Variants in COL22A1 observed in about 807,000 individuals in gnomAD.
The protein encoded by COL22A1 is collagen alpha-1(XXII) chain.
COL22A1 carries 221 observed loss-of-function variants against 248.9 expected under a neutral mutation model. The observed-to-expected ratio is 0.89, with a 90% CI of 0.80 to 0.99. COL22A1 has a LOEUF of 0.99. COL22A1 is among the 50% of genes least tolerant of loss of function. COL22A1 has a pLI of 0.00. For missense variants in COL22A1, 2,240 were observed against 2,179.0 expected (o/e 1.03, Z -0.56); for synonymous variants, 891 against 793.4 (o/e 1.12, Z -2.07).
At chr8:138,885,270 C>T (rs1295983856) in intron 1 of COL22A1, among the ~76,000 whole-genome samples, 1 of 152,202 alleles carries the variant, frequency 6.6e-6, no homozygotes, top group African/African-American at 2.4e-5. Flanking sequence ...TCAATCAGTT[C>T]TTCCAACTCC....
chr8:138,688,560 T>G (rs1217690299), intron 37 of COL22A1, among the ~76,000 whole-genome samples: 1 of 151,182 alleles, frequency 6.6e-6, no homozygotes, highest in Non-Finnish European at 1.5e-5. Flanking sequence ...AAGGTTTACG[T>G]GTGTGAGCAT....
chr8:138,821,096 G>A (rs1819078716), intron 7 of COL22A1, 40 bp downstream of exon 7: 1 of 1,600,792 alleles, frequency 6.2e-7, no homozygotes, highest in Non-Finnish European at 8.5e-7. Flanking sequence ...TCTCCCCGGT[G>A]GCCTGGAACC....
chr8:138,741,340 A>C (rs2131279658), intron 22 of COL22A1, among the ~76,000 whole-genome samples: 1 of 152,354 alleles, frequency 6.6e-6, no homozygotes, highest in Admixed American at 6.5e-5. Flanking sequence ...TGGGGTACAA[A>C]GCTCCAAGTG....
At position 138,594,121 on chromosome 8, in the gene COL22A1, G is replaced by T. The variant is rs770253828; in HGVS notation, c.4511C>A (p.Pro1504His). The T allele has an allele frequency of 1.3e-6, 2 of 1,577,302 alleles. No homozygotes were observed. Among genetic ancestry groups the T allele is most frequent in the Admixed American group, 2.1e-5 (1 of 48,678 alleles). ...SSQGRPGPPG[P>H]PGKDGLPGRA... ...GCCTGGAAGCCCATCTTTTCCAGGG[G>T]GCCCTGGGGGCCCAGGTCTGCCTTG... The change falls in exon 63 of 65, where the codon CCC becomes CAC. Residue 1504 changes from proline (P) to histidine (H), a missense_variant. Pro to His is a moderately conservative substitution (Grantham distance 77, BLOSUM62 -2). Coordinates refer to ENST00000303045, the MANE Select transcript of COL22A1 (RefSeq NM_152888.3).
intron 47 of COL22A1, among the ~76,000 whole-genome samples, chr8:138,639,044 T>G (rs1209619396): frequency 1.3e-5 from 2 of 152,212 alleles, no homozygotes; most frequent in African/African-American, 4.8e-5. Flanking sequence ...CCAGGAACTC[T>G]GCCAAGGCTT....
intron 4 of COL22A1, among the ~76,000 whole-genome samples, chr8:138,840,600 ATTATT>A (rs1820811057): frequency 6.6e-6 from 1 of 151,762 alleles, no homozygotes; most frequent in African/African-American, 2.4e-5. Flanking sequence ...TATTATTATT[ATTATT>A]AAGAAAAGGT....
chr8:138,856,185 G>T (rs1056334255), intron 3 of COL22A1, among the ~76,000 whole-genome samples: 2 of 152,208 alleles, frequency 1.3e-5, no homozygotes, highest in Non-Finnish European at 2.9e-5. Flanking sequence ...CTCTCACCCC[G>T]AGGCTCCCCT....
intron 23 of COL22A1, among the ~76,000 whole-genome samples, chr8:138,729,579 T>G (rs1425315959): frequency 6.6e-6 from 1 of 152,216 alleles, no homozygotes; most frequent in African/African-American, 2.4e-5. Context: ...AGCAACTGTC[T>G]GAAAGTCTGG....
chr8:138,659,304 CCCG>C (rs1823580237), intron 44 of COL22A1, among the ~76,000 whole-genome samples: 1 of 152,114 alleles, frequency 6.6e-6, no homozygotes, highest in Non-Finnish European at 1.5e-5. Flanking sequence ...CTCTGCTGTG[CCCG>C]CCAACTGAGA....
chr8:138,844,199 T>C, intron 3 of COL22A1, 41 bp from the exon 4 acceptor site: 2 of 1,581,118 alleles, frequency 1.3e-6, no homozygotes, highest in African/African-American at 1.3e-5. Context: ...TGAGAAAATG[T>C]GACCCATCGT....
chr8:138,883,314 C>CT, intron 1 of COL22A1, 70 bp from the exon 2 acceptor site: 1 of 837,496 alleles, frequency 1.2e-6, no homozygotes, highest in Non-Finnish European at 1.8e-6. Context: ...ACTCTGGGCC[C>CT]TGCCCAGGGG....
In COL22A1 at chr8:138,717,240, C is replaced by T. The variant is rs536778140; in HGVS notation, c.2356-371G>A. Among the ~76,000 whole-genome samples, 14 of 152,160 alleles carry T rather than the reference C, an allele frequency of 9.2e-5. No homozygotes were observed. In the South Asian group the frequency reaches 2.1e-3, roughly 23 times the overall value. On this transcript the variant is annotated intron_variant, in intron 27 of 64. Transcript: ENST00000303045. ...TCGGCTCACTGCAAGCTCTGCCTCC[C>T]GGGTTCACACCATTCTCCCACCTCA...
intron 47 of COL22A1, among the ~76,000 whole-genome samples, chr8:138,645,342 G>T (rs922793656): frequency 6.6e-6 from 1 of 152,090 alleles, no homozygotes; most frequent in Non-Finnish European, 1.5e-5. Context: ...CCTAATGCTG[G>T]TCTTTGCTAT....
chr8:138,884,418 C>T (rs1041169192), intron 1 of COL22A1, among the ~76,000 whole-genome samples: 5 of 152,206 alleles, frequency 3.3e-5, no homozygotes, highest in African/African-American at 9.7e-5. Context: ...TCAAGGGATT[C>T]CTGAACCTCA....
chr8:138,784,702 GGCACTGA>G (rs1251925584), intron 12 of COL22A1, among the ~76,000 whole-genome samples: 1 of 152,288 alleles, frequency 6.6e-6, no homozygotes, highest in East Asian at 1.9e-4. Context: ...CAAGGCGCCA[GGCACTGA>G]GCACTTTACA....
Position 138,800,372 on chromosome 8 carries a change from C to T in COL22A1, c.1557+2500G>A, listed in dbSNP as rs184809446. ...AGAATTTAGGCTCTGGAACTCCAGA[C>T]GCAGGAGGTGAAAAATGTTGGAATT... On this transcript the variant is annotated intron_variant, in intron 11 of 64. Transcript: ENST00000303045. Among the ~76,000 whole-genome samples the T allele has an allele frequency of 8.1e-4, 123 of 152,288 alleles. No homozygotes were observed. In the Middle Eastern group the frequency reaches 0.017, roughly 21 times the overall value.
intron 27 of COL22A1, among the ~76,000 whole-genome samples, chr8:138,718,254 A>G (rs1379283343): frequency 6.6e-6 from 1 of 152,228 alleles, no homozygotes; most frequent in Non-Finnish European, 1.5e-5. Flanking sequence ...TCAATTCCCA[A>G]TGTTTACAAG....
chr8:138,602,059 G>T, intron 60 of COL22A1, 56 bp downstream of exon 60: 5 of 1,589,928 alleles, frequency 3.1e-6, no homozygotes, highest in Non-Finnish European at 4.3e-6. Context: ...ACATCCTGTG[G>T]CCACTGTGCA....
At chr8:138,703,394 C>T (rs752332101) in intron 30 of COL22A1, 47 bp from the exon 31 acceptor site, 2 of 1,543,476 alleles carry the variant, frequency 1.3e-6, no homozygotes, top group South Asian at 1.1e-5. Context: ...TTCCTCCCAA[C>T]TCTGCTTATG....
Sources: gnomAD v4.1 joint callset for allele counts (sites outside exome capture counted in the v4.1 genomes callset) on GRCh38, gnomAD v4.1.1 for gene constraint, MANE v1.5 for transcripts, NCBI Gene and HGNC (gene_info 2026-07-23, HGNC 2026-07-21) for gene names.